The following KIF19 variants were observed in gnomAD, a reference collection of about 807,000 sequenced individuals.
The protein encoded by KIF19 is kinesin-like protein KIF19.
A neutral mutation model predicts 106.6 loss-of-function variants in KIF19; 98 were observed. The ratio of observed to expected loss-of-function variants is 0.92; its 90% CI spans 0.78 to 1.09. The LOEUF (loss-of-function observed/expected upper bound fraction) is 1.09. Among genes scored for constraint, KIF19 ranks in the 50% least tolerant of loss-of-function variants. KIF19 has a pLI of 0.00. For synonymous variants in KIF19, 516 were observed against 584.2 expected (o/e 0.88, Z 1.68); for missense variants, 1,373 against 1,414.3 (o/e 0.97, Z 0.47).
At position 74,354,264 on chromosome 17, in the gene KIF19, C is replaced by T. The variant is rs758974420; in HGVS notation, c.2411C>T (p.Ala804Val). 2.2e-5 allele frequency: 36 copies of T among 1,608,436 alleles called. No homozygotes were observed. The East Asian group carries it at 6.0e-4, about 27-fold the overall frequency. The change falls in exon 18 of 20, where the codon GCG becomes GTG. Residue 804 changes from alanine to valine, a missense_variant. Physicochemically the swap from Ala to Val is moderately conservative, Grantham distance 64 (BLOSUM62 0). Around this residue, in one of 3 missense-constraint regions of KIF19, gnomAD observed 1,020 missense variants for 1,008.2 expected, o/e 1.01. Transcript: ENST00000389916. ...GTEGRHLLAPATERSSLSLHS... is the reference protein window; with the variant it reads ...GTEGRHLLAPVTERSSLSLHS... ...GAGGGGCGACACCTGCTGGCACCCG[C>T]GACAGAGCGCAGCAGCCTGTCCCTG...
Position 74,354,918 on chromosome 17 carries a change from A to G in KIF19, c.2843A>G (p.Lys948Arg), listed in dbSNP as rs1388591264. 2 of 1,576,996 alleles carry G rather than the reference A, an allele frequency of 1.3e-6. No homozygotes were observed. The highest frequency in any genetic ancestry group is 1.2e-5 in the South Asian group (1 of 85,816). The change falls in exon 19 of 20, where the codon AAA (lysine) becomes AGA (arginine). Residue 948 changes from lysine to arginine, a missense_variant. Transcript: ENST00000389916. ...GKVTLPLAKVKLPPSQNTGPG... is the reference protein window; with the variant it reads ...GKVTLPLAKVRLPPSQNTGPG... ...GTCACGCTACCTTTGGCCAAAGTCA[A>G]ACTCCCTCCAAGCCAGAACACGGGT...
Position 74,328,485 on chromosome 17 carries a change from G to A in KIF19, c.100G>A (p.Ala34Thr), listed in dbSNP as rs753949157. Residue 34 changes from alanine to threonine, a missense_variant, in exon 2 of 20, where the codon GCC becomes ACC. This residue lies in a region of KIF19 where 348 missense variants were observed against 389.5 expected (regional missense o/e 0.89). Transcript: ENST00000389916. ...GCTGGAGGAAGGAGCTACCCTCATC[G>A]CCCATAAAGTGGATGAGCAGGTATG... ...AELEEGATLI[A>T]HKVDEQMVVL... is the part of the protein sequence containing the mutation. 9 of 1,606,480 alleles carry A rather than the reference G, an allele frequency of 5.6e-6. No individual in the cohort carries two copies. Among genetic ancestry groups the A allele is most frequent in the Middle Eastern group, 1.7e-4 (1 of 6,048 alleles).
chr17:74,339,890 T>C (rs2054316050), intron 2 of KIF19, among the ~76,000 whole-genome samples: 1 of 152,186 alleles, frequency 6.6e-6, no homozygotes, highest in Non-Finnish European at 1.5e-5. Flanking sequence ...GGAATCCCAG[T>C]GACCTTCTCC....
In KIF19 at chr17:74,347,757, C is replaced by T. The variant is rs1166572591; in HGVS notation, c.925-20C>T. 6.3e-7 allele frequency: 1 copy of T among 1,585,786 alleles called. No homozygotes were observed. Among genetic ancestry groups the T allele is most frequent in the Non-Finnish European group, 8.6e-7 (1 of 1,166,608 alleles). On this transcript the variant is annotated intron_variant, in intron 8 of 19. Coordinates refer to ENST00000389916, the MANE Select transcript of KIF19 (RefSeq NM_153209.4). ...GCCTGAGGAGGCAGTCCCCACTGAC[C>T]ACAGCCACCTCCCATCCAGGACTCT...
chr17:74,349,441 G>C (rs768520240), intron 10 of KIF19, 92 bp downstream of exon 10: 15 of 1,340,664 alleles, frequency 1.1e-5, no homozygotes, highest in Non-Finnish European at 1.2e-5. Flanking sequence ...ATCCAGAATC[G>C]GGCTCTTTCT....
intron 5 of KIF19, 130 bp downstream of exon 5, chr17:74,343,290 C>T (rs1444156671): frequency 1.3e-5 from 12 of 936,472 alleles, no homozygotes; most frequent in African/African-American, 3.3e-5. Context: ...TTACAAACAT[C>T]GCAGGCTCAT....
Position 74,344,350 on chromosome 17 carries a change from C to A in KIF19, c.582+2C>A, listed in dbSNP as rs1202308732. ...GTCTCCACCATCAATGCCAAGGAGGCGAGTTTTGTGTGGCCAGCCTGGAGC... is the reference window on the plus strand; with the variant it reads ...GTCTCCACCATCAATGCCAAGGAGGAGAGTTTTGTGTGGCCAGCCTGGAGC... On this transcript the variant is annotated splice_donor_variant, in intron 6 of 19. Coordinates refer to ENST00000389916, the MANE Select transcript of KIF19 (RefSeq NM_153209.4). LOFTEE classifies it high-confidence loss of function. 2 of 1,611,816 alleles carry A rather than the reference C, an allele frequency of 1.2e-6. No homozygotes were observed. The highest frequency in any genetic ancestry group is 2.2e-5 in the East Asian group (1 of 44,850).
intron 2 of KIF19, among the ~76,000 whole-genome samples, chr17:74,338,726 G>A (rs2054282014): frequency 6.6e-6 from 1 of 151,926 alleles, no homozygotes; most frequent in South Asian, 2.1e-4. Flanking sequence ...AGGGAGTCTG[G>A]TGGGAGCCCC....
rs977887189 is a variant in KIF19, at chr17:74,355,624, G to T, written c.*312G>T. On this transcript the variant is annotated 3_prime_UTR_variant, in exon 20 of 20. Coordinates refer to ENST00000389916, the MANE Select transcript of KIF19 (RefSeq NM_153209.4). ...GCCAGCCTCGGCCTTGGTAACGGAG[G>T]AAAGCAGCTGACAGTGAGACGGGGC... 5 of 234,660 alleles carry T rather than the reference G, an allele frequency of 2.1e-5. No individual in the cohort carries two copies. The highest frequency in any genetic ancestry group is 1.5e-4 in the African/African-American group (5 of 32,622). 14.5% of individuals were successfully genotyped at this position (234,660 alleles called of 1,614,324 possible). A position where few individuals can be genotyped will look rare whatever the true frequency, so the allele number is the denominator to read the frequency against.
chr17:74,354,916 C>CA lies in KIF19; in HGVS notation c.2844dup (p.Leu949ThrfsTer50), dbSNP rs755505074. On this transcript the variant is annotated frameshift_variant, in exon 19 of 20. Transcript: ENST00000389916. LOFTEE classifies it low-confidence loss of function (END_TRUNC). ...AGGTCACGCTACCTTTGGCCAAAGT[C>CA]AAACTCCCTCCAAGCCAGAACACGG... 4.2e-5 allele frequency: 67 copies of CA among 1,576,586 alleles called. No homozygotes were observed. The highest frequency in any genetic ancestry group is 5.7e-5 in the Non-Finnish European group (66 of 1,161,530).
chr17:74,343,413 C>T (rs2054440813), intron 5 of KIF19, among the ~76,000 whole-genome samples: 2 of 152,320 alleles, frequency 1.3e-5, no homozygotes, highest in Non-Finnish European at 2.9e-5. Context: ...CGCTCACCAC[C>T]TCACCATCCT....
chr17:74,341,947 C>T lies in KIF19; in HGVS notation c.192C>T (p.Ser64=). ...GGGCGCATCGCTCCCGGGAGAAGTC[C>T]TACCTGTTCGACGTGGCCTTTGACT... ...ILRAHRSREK[S]YLFDVAFDFT... Residue 64 remains serine (S), a synonymous_variant, in exon 3 of 20, where the codon TCC becomes TCT. Coordinates refer to ENST00000389916, the MANE Select transcript of KIF19 (RefSeq NM_153209.4). The T allele has an allele frequency of 6.2e-7, 1 of 1,613,610 alleles. No individual in the cohort carries two copies. The highest frequency in any genetic ancestry group is 1.3e-5 in the African/African-American group (1 of 75,026).
chr17:74,350,418 A>G lies in KIF19; in HGVS notation c.1231A>G (p.Ser411Gly). 6.2e-7 allele frequency: 1 copy of G among 1,602,808 alleles called. No individual in the cohort carries two copies. The highest frequency in any genetic ancestry group is 8.5e-7 in the Non-Finnish European group (1 of 1,175,850). Residue 411 changes from serine to glycine, a missense_variant, in exon 11 of 20, where the codon AGC (serine) becomes GGC (glycine). By Grantham distance (56) the Ser-to-Gly change is moderately conservative. Transcript: ENST00000389916. ...RHIQAEVQLH[S>G]GQGEKAGMGQ... ...ATCGGCAGCTGAGGTCCAGCTGCAC[A>G]GCGGGCAGGGTGAGAAGGCTGGCAT...
chr17:74,349,168 T>C lies in KIF19; in HGVS notation c.1048-16T>C, dbSNP rs753778053. On this transcript the variant is annotated splice_polypyrimidine_tract_variant and intron_variant, in intron 9 of 19. Coordinates refer to ENST00000389916, the MANE Select transcript of KIF19 (RefSeq NM_153209.4). ...GGGTGACTGCATCCCCTCCGCTCCATACGTGTTCCCTGCAGGTGAAGCAGA... is the reference window on the plus strand; with the variant it reads ...GGGTGACTGCATCCCCTCCGCTCCACACGTGTTCCCTGCAGGTGAAGCAGA... 6.2e-6 allele frequency: 10 copies of C among 1,613,478 alleles called. No individual in the cohort carries two copies. The highest frequency in any genetic ancestry group is 8.5e-6 in the Non-Finnish European group (10 of 1,179,802).
At chr17:74,337,524 C>T (rs916783553) in intron 2 of KIF19, among the ~76,000 whole-genome samples, 1 of 152,222 alleles carries the variant, frequency 6.6e-6, no homozygotes, top group African/African-American at 2.4e-5. Flanking sequence ...GAACCAGTGC[C>T]ACAGCCTGCC....
chr17:74,348,139 G>C (rs1186511921), intron 9 of KIF19, among the ~76,000 whole-genome samples: 2 of 152,194 alleles, frequency 1.3e-5, no homozygotes, highest in Non-Finnish European at 2.9e-5. Flanking sequence ...TGCTCCCCCT[G>C]CCTCATCCCC....
Position 74,349,210 on chromosome 17 carries a change from C to T in KIF19, c.1074C>T (p.Ser358=), listed in dbSNP as rs1356337082. The T allele has an allele frequency of 3.7e-6, 6 of 1,613,716 alleles. No homozygotes were observed. Among genetic ancestry groups the T allele is most frequent in the Non-Finnish European group, 8.5e-7 (1 of 1,179,882 alleles). Residue 358 remains serine (S), a synonymous_variant, in exon 10 of 20, where the codon TCC becomes TCT. Coordinates refer to ENST00000389916, the MANE Select transcript of KIF19 (RefSeq NM_153209.4). ...TGAAGCAGAACCTCCTGAACGTCTC[C>T]TACCACATCGCCCAGTACACCAGCA... ...TRVKQNLLNV[S]YHIAQYTSII...
At chr17:74,345,056 C>G (rs2054497996) in intron 7 of KIF19, 101 bp downstream of exon 7, 10 of 1,144,788 alleles carry the variant, frequency 8.7e-6, no homozygotes, top group Non-Finnish European at 8.5e-6. Flanking sequence ...ACCACAGGAA[C>G]AGGGGAGACA....
chr17:74,347,916 C>T lies in KIF19; in HGVS notation c.1047+17C>T, dbSNP rs780183522. The T allele has an allele frequency of 1.5e-5, 24 of 1,569,118 alleles. No individual in the cohort carries two copies. Among genetic ancestry groups the T allele is most frequent in the Middle Eastern group, 1.8e-4 (1 of 5,540 alleles). On this transcript the variant is annotated intron_variant, in intron 9 of 19. Coordinates refer to ENST00000389916, the MANE Select transcript of KIF19 (RefSeq NM_153209.4). ...AAGACTAGGGTGAGGGCCCCTGGAC[C>T]GTCCACCAGGACACACCTTCCTGGG... is the stretch of plus-strand genomic sequence containing the variant.
Sources: gnomAD v4.1 joint callset for allele counts (sites outside exome capture counted in the v4.1 genomes callset) on GRCh38, gnomAD v4.1.1 for gene constraint, gnomAD v4.1.1 regional missense constraint, MANE v1.5 for transcripts, NCBI Gene and HGNC (gene_info 2026-07-23, HGNC 2026-07-21) for gene names.